The following DNAAF9 variants were observed in gnomAD, a reference collection of about 807,000 sequenced individuals.
DNAAF9 encodes the protein shulin.
DNAAF9 carries 90 observed loss-of-function variants against 167.0 expected under a neutral mutation model. The observed-to-expected ratio is 0.54, with a 90% CI of 0.45 to 0.64. The LOEUF is 0.64. DNAAF9 is among the 30% of genes least tolerant of loss of function. The probability of loss-of-function intolerance (pLI) is 0.00; values close to 1 mark genes in which losing one functional copy is unlikely to be tolerated. For missense variants in DNAAF9, 1,315 were observed against 1,442.2 expected, an observed-to-expected ratio of 0.91 and a Z score of 1.43; for synonymous variants, 491 against 508.8, an observed-to-expected ratio of 0.96 and a Z score of 0.47.
At chr20:3,268,964 T>C (rs1379085731) in intron 30 of DNAAF9, among the ~76,000 whole-genome samples, 1 of 135,986 alleles carries the variant, frequency 7.4e-6, no homozygotes, top group East Asian at 2.2e-4. Context: ...AGTGCAGTGG[T>C]GCGGTCTTGG....
intron 27 of DNAAF9, among the ~76,000 whole-genome samples, chr20:3,283,549 G>C (rs1240751270): frequency 1.3e-5 from 2 of 152,218 alleles, no homozygotes; most frequent in Non-Finnish European, 2.9e-5. Context: ...TCTTTCCACT[G>C]AGTGCCTGGC....
chr20:3,254,139 C>T (rs1027309309), intron 35 of DNAAF9, among the ~76,000 whole-genome samples: 6 of 152,054 alleles, frequency 3.9e-5, no homozygotes, highest in South Asian at 2.1e-4. Flanking sequence ...AGTGCAGTGG[C>T]GTGATCTTGG....
intron 10 of DNAAF9, among the ~76,000 whole-genome samples, chr20:3,335,635 T>TA (rs2069924335): frequency 6.6e-6 from 1 of 150,722 alleles, no homozygotes. Context: ...TGGGCACCTG[T>TA]AATCCCAACT....
intron 8 of DNAAF9, among the ~76,000 whole-genome samples, chr20:3,344,053 T>C (rs2070142667): frequency 6.6e-6 from 1 of 152,168 alleles, no homozygotes; most frequent in South Asian, 2.1e-4. Flanking sequence ...AAAAAAATCC[T>C]TTTAATGTAC....
intron 29 of DNAAF9, among the ~76,000 whole-genome samples, chr20:3,276,471 G>A (rs2068677418): frequency 6.6e-6 from 1 of 152,226 alleles, no homozygotes; most frequent in Non-Finnish European, 1.5e-5. Flanking sequence ...TGCACAATGA[G>A]TTGGAAGGCA....
At chr20:3,352,396 C>G (rs1424526301) in intron 7 of DNAAF9, among the ~76,000 whole-genome samples, 3 of 152,170 alleles carry the variant, frequency 2.0e-5, no homozygotes, top group Non-Finnish European at 4.4e-5. Context: ...GGGTTATCCC[C>G]TTCTGGACTC....
At chr20:3,349,217 AAC>A (rs2070264172) in intron 7 of DNAAF9, among the ~76,000 whole-genome samples, 1 of 150,236 alleles carries the variant, frequency 6.7e-6, no homozygotes. Flanking sequence ...AAAAAAAAAA[AAC>A]ACCATGAAAA....
intron 20 of DNAAF9, among the ~76,000 whole-genome samples, chr20:3,313,700 T>C (rs1468944100): frequency 6.6e-6 from 1 of 152,178 alleles, no homozygotes; most frequent in Non-Finnish European, 1.5e-5. Flanking sequence ...AAGGGACAGA[T>C]AACATATAAA....
chr20:3,302,214 C>T (rs2069201480), intron 21 of DNAAF9, among the ~76,000 whole-genome samples: 1 of 152,138 alleles, frequency 6.6e-6, no homozygotes, highest in South Asian at 2.1e-4. Flanking sequence ...GCTGGGATTA[C>T]AGGCATGAGC....
At chr20:3,325,491 C>T (rs1439803160) in intron 13 of DNAAF9, among the ~76,000 whole-genome samples, 1 of 152,328 alleles carries the variant, frequency 6.6e-6, no homozygotes, top group African/African-American at 2.4e-5. Flanking sequence ...AATCCGGAGT[C>T]AGTACCAGGG....
At chr20:3,327,979 G>A (rs2069742841) in intron 12 of DNAAF9, among the ~76,000 whole-genome samples, 1 of 152,172 alleles carries the variant, frequency 6.6e-6, no homozygotes, top group Non-Finnish European at 1.5e-5. Context: ...TCTACACTTT[G>A]ACACTAAGGG....
intron 8 of DNAAF9, among the ~76,000 whole-genome samples, chr20:3,345,397 TAAC>T (rs2070173552): frequency 6.6e-6 from 1 of 152,180 alleles, no homozygotes; most frequent in African/African-American, 2.4e-5. Context: ...GCAATCCTAA[TAAC>T]AACCTATGAG....
At chr20:3,375,739 T>G (rs1396600537) in intron 4 of DNAAF9, among the ~76,000 whole-genome samples, 2 of 151,872 alleles carry the variant, frequency 1.3e-5, no homozygotes, top group Non-Finnish European at 2.9e-5. Flanking sequence ...TCCCAGCTAC[T>G]CGGGAGGCTG....
At chr20:3,274,587 T>C (rs1187791931) in intron 29 of DNAAF9, among the ~76,000 whole-genome samples, 1 of 152,224 alleles carries the variant, frequency 6.6e-6, no homozygotes, top group Non-Finnish European at 1.5e-5. Flanking sequence ...TGCTCTACTT[T>C]CTCTCTGAAA....
chr20:3,330,827 T>G, intron 11 of DNAAF9, 145 bp from the exon 12 acceptor site: 1 of 569,778 alleles, frequency 1.8e-6, no homozygotes, highest in South Asian at 2.3e-5. Flanking sequence ...AGTTTAGCTT[T>G]GTCGCCCAGG....
At chr20:3,297,124 A>T (rs1249471764) in intron 22 of DNAAF9, among the ~76,000 whole-genome samples, 175 bp from the exon 23 acceptor site, 1 of 152,182 alleles carries the variant, frequency 6.6e-6, no homozygotes, top group Admixed American at 6.5e-5. Context: ...CTGTATTTTT[A>T]AAAACCAGAA....
chr20:3,279,013 C>T (rs2068720955), intron 28 of DNAAF9, 64 bp from the exon 29 acceptor site: 1 of 1,222,402 alleles, frequency 8.2e-7, no homozygotes, highest in Non-Finnish European at 1.2e-6. Flanking sequence ...CTGATTATTT[C>T]CCATACAAAT....
rs535165977 is a variant in DNAAF9 at position 3,269,957 on chromosome 20, C to CA, written c.2786+469dup. On this transcript the variant is annotated intron_variant, in intron 30 of 36. Coordinates refer to ENST00000252032, the MANE Select transcript of DNAAF9 (RefSeq NM_001009984.3). ...TGGACGACAGAGGGAGACTCCGTCT[C>CA]AAAAAAAAAAAAAACACTTCAAAAA... Among the ~76,000 whole-genome samples the CA allele has an allele frequency of 9.3e-3, 859 of 91,988 alleles. 7 individuals are homozygous for CA. The highest frequency in any genetic ancestry group is 0.023 in the African/African-American group (580 of 25,142). 60.3% of individuals were successfully genotyped at this position (91,988 alleles called of 152,430 possible).
intron 11 of DNAAF9, among the ~76,000 whole-genome samples, chr20:3,331,928 C>G (rs2123080813): frequency 6.6e-6 from 1 of 152,288 alleles, no homozygotes; most frequent in Admixed American, 6.5e-5. Context: ...CCTGCCTGGG[C>G]CTCCCAAAGT....
Sources: gnomAD v4.1 joint callset for allele counts (sites outside exome capture counted in the v4.1 genomes callset) on GRCh38, gnomAD v4.1.1 for gene constraint, MANE v1.5 for transcripts, NCBI Gene and HGNC (gene_info 2026-07-23, HGNC 2026-07-21) for gene names.